Variants in NLRP1 observed in about 807,000 individuals in gnomAD.
NLRP1 encodes NLR family pyrin domain containing 1, also known as NACHT, LRR and PYD domains-containing protein 1.
In NLRP1, 94 loss-of-function variants were observed where a neutral mutation model predicts 136.7. That is an observed-to-expected ratio of 0.69 (90% CI 0.58 to 0.82). NLRP1 has a LOEUF of 0.82. Ranked by LOEUF, NLRP1 falls within the 40% of genes least tolerant of loss-of-function variation. The probability of loss-of-function intolerance (pLI) is 0.00; values close to 1 mark genes in which losing one functional copy is unlikely to be tolerated. For missense variants in NLRP1, 1,575 were observed against 1,802.7 expected (o/e 0.87, Z 2.29); for synonymous variants, 690 against 725.1 (o/e 0.95, Z 0.78).
intron 3 of NLRP1, among the ~76,000 whole-genome samples, chr17:5,560,868 G>A (rs1212195744): frequency 6.6e-6 from 1 of 152,232 alleles, no homozygotes; most frequent in East Asian, 1.9e-4. Context: ...AGCCCGACCT[G>A]AGACTGATGG....
In NLRP1 at chr17:5,553,600, C is replaced by T. The variant is rs201815830; in HGVS notation, c.2358-44G>A. 4.6e-5 allele frequency: 72 copies of T among 1,582,000 alleles called. 2 individuals are homozygous for T. In the East Asian group the frequency reaches 9.0e-4, roughly 20 times the overall value. On this transcript the variant is annotated intron_variant, in intron 4 of 16. Transcript: ENST00000572272. The stretch of plus-strand genomic sequence containing the variant: ...GACAGGAGAGATGTGATGTGTCTGG[C>T]AGGGGTTTGAGGTGCCCAGCCCTGC...
chr17:5,559,357 T>C lies in NLRP1; in HGVS notation c.1339A>G (p.Thr447Ala). 3 of 1,613,862 alleles carry C rather than the reference T, an allele frequency of 1.9e-6. No homozygotes were observed. Among genetic ancestry groups the C allele is most frequent in the Non-Finnish European group, 2.5e-6 (3 of 1,179,846 alleles). The change falls in exon 4 of 17, where the codon ACT becomes GCT. Residue 447 changes from threonine (T) to alanine (A), a missense_variant. Transcript: ENST00000572272. ...AGGAAGGATGCCTCGGGAAGTATAG[T>C]TTTCCCCAGCAAACTGCCCAGCAGT... ...DALLGSLLGK[T>A]ILPEASFLIT...
chr17:5,506,328 C>A (rs1382482867), intron 15 of NLRP1, among the ~76,000 whole-genome samples: 1 of 151,404 alleles, frequency 6.6e-6, no homozygotes, highest in East Asian at 1.9e-4. Context: ...TCAGCAACAT[C>A]ATTCTTCTCC....
At position 5,559,798 on chromosome 17, in the gene NLRP1, A is replaced by G. The variant is rs780850679; in HGVS notation, c.898T>C (p.Trp300Arg). The change falls in exon 4 of 17, where the codon TGG becomes CGG. Residue 300 changes from tryptophan to arginine, a missense_variant. Transcript: ENST00000572272. ...RSQDPLVKRS[W>R]PDYVEENRGH... Reference sequence around the variant, plus strand: ...CGATTCTCCTCCACATAATCAGGCCAGCTTCTCTTGACCAGGGGATCTTGG... The same window carrying G: ...CGATTCTCCTCCACATAATCAGGCCGGCTTCTCTTGACCAGGGGATCTTGG... 6.2e-7 allele frequency: 1 copy of G among 1,614,272 alleles called. No homozygotes were observed. Among genetic ancestry groups the G allele is most frequent in the South Asian group, 1.1e-5 (1 of 91,090 alleles).
chr17:5,564,734 G>T (rs77945336), intron 3 of NLRP1, among the ~76,000 whole-genome samples: 15 of 97,804 alleles, frequency 1.5e-4, no homozygotes, highest in African/African-American at 2.5e-4. Flanking sequence ...AATTTTTAGT[G>T]TTTTTTTTTT....
At chr17:5,517,364 C>G (rs1473640811) in intron 15 of NLRP1, among the ~76,000 whole-genome samples, 2 of 134,770 alleles carry the variant, frequency 1.5e-5, no homozygotes, top group African/African-American at 5.5e-5. Context: ...CCCCCCCTCC[C>G]ACATACACAG....
chr17:5,549,410 C>T (rs181102393), intron 5 of NLRP1, among the ~76,000 whole-genome samples: 4 of 152,210 alleles, frequency 2.6e-5, no homozygotes, highest in Admixed American at 2.6e-4. Context: ...TCCTGAGTAG[C>T]TGGGACTGTG....
At chr17:5,528,789 G>A (rs1201275943) in intron 12 of NLRP1, among the ~76,000 whole-genome samples, 1 of 151,938 alleles carries the variant, frequency 6.6e-6, no homozygotes, top group Non-Finnish European at 1.5e-5. Context: ...ACTAACAAAT[G>A]AGAAATTAAA....
chr17:5,564,737 T>TC (rs1273887474), intron 3 of NLRP1, among the ~76,000 whole-genome samples: 1 of 143,548 alleles, frequency 7.0e-6, no homozygotes, highest in Non-Finnish European at 1.5e-5. Flanking sequence ...TTTTAGTGTT[T>TC]TTTTTTTTTT....
chr17:5,563,813 A>C (rs1232746073), intron 3 of NLRP1, among the ~76,000 whole-genome samples: 1 of 152,230 alleles, frequency 6.6e-6, no homozygotes, highest in African/African-American at 2.4e-5. Context: ...TCCCTAAAAC[A>C]CATAGTTCTC....
At position 5,559,546 on chromosome 17, in the gene NLRP1, T is replaced by C. The variant is rs1206131048; in HGVS notation, c.1150A>G (p.Ile384Val). ...QSKVVSLAEL[I>V]GKDGTATPAP... ...GGAGTGGCTGTCCCATCTTTTCCGA[T>C]GAGCTCAGCGAGACTCACCACCTTG... is the stretch of plus-strand genomic sequence containing the variant. The change falls in exon 4 of 17, where the codon ATC becomes GTC. Residue 384 changes from isoleucine to valine, a missense_variant. Physicochemically the swap from Ile to Val is conservative, Grantham distance 29 (BLOSUM62 3). Coordinates refer to ENST00000572272, the MANE Select transcript of NLRP1 (RefSeq NM_033004.4). 3 of 1,614,180 alleles carry C rather than the reference T, an allele frequency of 1.9e-6. No homozygotes were observed. Among genetic ancestry groups the C allele is most frequent in the East Asian group, 2.2e-5 (1 of 44,882 alleles).
intron 3 of NLRP1, 133 bp from the exon 4 acceptor site, chr17:5,560,176 A>G (rs1914570191): frequency 2.4e-6 from 2 of 821,650 alleles, no homozygotes; most frequent in Admixed American, 3.2e-5. Flanking sequence ...TGTTCTTGCC[A>G]TGCGGCGGAA....
At position 5,583,793 on chromosome 17, in the gene NLRP1, C is replaced by T. The variant is rs758010486; in HGVS notation, c.165G>A (p.Ser55=). 19 of 1,556,304 alleles carry T rather than the reference C, an allele frequency of 1.2e-5. No individual in the cohort carries two copies. The highest frequency in any genetic ancestry group is 8.2e-5 in the African/African-American group (6 of 73,372). The change falls in exon 1 of 17, where the codon TCG becomes TCA. Residue 55 remains serine (S), a synonymous_variant. Coordinates refer to ENST00000572272, the MANE Select transcript of NLRP1 (RefSeq NM_033004.4). The surrounding 1 kb of genome is among the most constrained non-coding windows in gnomAD (Gnocchi z 4.5). ...PEKTSGMEVA[S]YLVAQYGEQR... is the part of the protein sequence containing the mutation. Reference sequence around the variant, plus strand: ...GCTCCCCATACTGAGCCACCAGGTACGAGGCCACCTCCATGCCACTCGTCT... The same window carrying T: ...GCTCCCCATACTGAGCCACCAGGTATGAGGCCACCTCCATGCCACTCGTCT...
chr17:5,516,956 G>C (rs1440123147), intron 15 of NLRP1, among the ~76,000 whole-genome samples: 5 of 152,198 alleles, frequency 3.3e-5, no homozygotes. Flanking sequence ...ACTAGACTAA[G>C]AGTCCATAAA....
intron 4 of NLRP1, among the ~76,000 whole-genome samples, chr17:5,557,712 C>A (rs1914248123): frequency 6.6e-6 from 1 of 152,192 alleles, no homozygotes; most frequent in South Asian, 2.1e-4. Context: ...TGGGGAAGTT[C>A]TCAGTACTGC....
chr17:5,539,628 G>A, intron 6 of NLRP1, 43 bp from the exon 7 acceptor site: 1 of 1,520,650 alleles, frequency 6.6e-7, no homozygotes, highest in Non-Finnish European at 8.8e-7. Flanking sequence ...TGTCCTAAGG[G>A]CTCGCTCTTC....
intron 5 of NLRP1, among the ~76,000 whole-genome samples, chr17:5,549,499 T>C (rs1012531850): frequency 3.9e-5 from 6 of 151,994 alleles, no homozygotes; most frequent in African/African-American, 1.4e-4. Context: ...TGGCTGGTCT[T>C]GAACTCCGGA....
chr17:5,510,355 T>TA (rs982900312), downstream of NLRP1, among the ~76,000 whole-genome samples: 57 of 151,920 alleles, frequency 3.8e-4, no homozygotes, highest in African/African-American at 8.9e-4. Context: ...CCCGGCTAAT[T>TA]AAAAAAACTG....
chr17:5,511,035 C>T (rs1351496509), downstream of NLRP1, among the ~76,000 whole-genome samples: 3 of 151,872 alleles, frequency 2.0e-5, no homozygotes, highest in Non-Finnish European at 2.9e-5. Context: ...TCTTACACAT[C>T]TGAAAACCTG....
Sources: gnomAD v4.1 joint callset for allele counts (sites outside exome capture counted in the v4.1 genomes callset) on GRCh38, gnomAD v4.1.1 for gene constraint, Gnocchi (gnomAD v3.1) non-coding constraint, MANE v1.5 for transcripts, NCBI Gene and HGNC (gene_info 2026-07-23, HGNC 2026-07-21) for gene names.